The following TMEM42 variants were observed in gnomAD, a reference collection of about 807,000 sequenced individuals.
The protein encoded by TMEM42 is transmembrane protein 42.
Under a neutral mutation model 14.0 loss-of-function variants are expected in TMEM42, and 8 were observed. That is an observed-to-expected ratio of 0.57 (90% CI 0.34 to 1.03). TMEM42 has a LOEUF of 1.03. TMEM42 is among the 50% of genes least tolerant of loss of function. TMEM42 has a pLI of 0.03. For synonymous variants in TMEM42, 115 were observed against 94.3 expected (o/e 1.22, Z -1.27); for missense variants, 211 against 219.8 (o/e 0.96, Z 0.25).
chr3:44,864,625 A>G (rs1699300899), intron 2 of TMEM42, among the ~76,000 whole-genome samples: 1 of 152,100 alleles, frequency 6.6e-6, no homozygotes, highest in South Asian at 2.1e-4. Flanking sequence ...TGTGCATCCT[A>G]GCTGTTTCCT....
chr3:44,862,916 G>A (rs1184385305), intron 1 of TMEM42: 4 of 152,028 alleles, frequency 2.6e-5, no homozygotes, highest in Non-Finnish European at 4.4e-5. Flanking sequence ...CATGGGGTAA[G>A]TGGTCGAAAG....
Position 44,862,075 on chromosome 3 carries a change from GC to G in TMEM42, c.154del (p.Leu52TrpfsTer14). The stretch of plus-strand genomic sequence containing the variant: ...CTGTCTGTGCGCCGGCGCGTTCGGG[GC>G]CCTGGCCGCCGCCTCCGCCAAGCTG... Reference protein sequence around the residue: ...FNCLCAGAFGALAAASAKLAF... With the variant: ...FNCLCAGAFGXLAAASAKLAF... On this transcript the variant is annotated frameshift_variant, in exon 1 of 3. Transcript: ENST00000302392. LOFTEE classifies it high-confidence loss of function. The G allele has an allele frequency of 8.2e-7, 1 of 1,218,162 alleles. No individual in the cohort carries two copies. The highest frequency in any genetic ancestry group is 1.0e-6 in the Non-Finnish European group (1 of 967,200). The allele number at this position is 1,218,162 out of a possible 1,614,324, so 75.5% of individuals were successfully genotyped here.
rs181839106 is a variant in TMEM42, at chr3:44,865,580, T to G, written c.*400T>G. On this transcript the variant is annotated 3_prime_UTR_variant, in exon 3 of 3. Coordinates refer to ENST00000302392, the MANE Select transcript of TMEM42 (RefSeq NM_144638.3). ...GGGCTTTCTGACAGTTCCATGCTGA[T>G]GTATCAGGCCATCTGTGTCATGCTT... 6 of 203,484 alleles carry G rather than the reference T, an allele frequency of 2.9e-5. No homozygotes were observed. In the East Asian group the frequency reaches 6.0e-4, roughly 20 times the overall value. 12.6% of individuals were successfully genotyped at this position (203,484 alleles called of 1,614,324 possible). A position where few individuals can be genotyped will look rare whatever the true frequency, so the allele number is the denominator to read the frequency against.
rs1210585004 is a variant in TMEM42 at position 44,865,111 on chromosome 3, C to T, written c.411C>T (p.Leu137=). The change falls in exon 3 of 3, where the codon CTC becomes CTT. Residue 137 remains leucine (L), a synonymous_variant. Transcript: ENST00000302392. ...GGTGGGGAGGAGTGTTCCTTATTCTCTGCGGACTCACCCTAATCCACAGGA... is the reference window on the plus strand; with the variant it reads ...GGTGGGGAGGAGTGTTCCTTATTCTTTGCGGACTCACCCTAATCCACAGGA... ...VLWWGGVFLI[L]CGLTLIHRKL... 1.2e-6 allele frequency: 2 copies of T among 1,614,122 alleles called. No individual in the cohort carries two copies. The highest frequency in any genetic ancestry group is 2.7e-5 in the African/African-American group (2 of 75,028).
chr3:44,865,018 C>G (rs185715755), intron 2 of TMEM42, 22 bp from the exon 3 acceptor site: 1 of 1,613,352 alleles, frequency 6.2e-7, no homozygotes. Context: ...TTGAGTCCCT[C>G]ACAGCTATCT....
rs113767007 is a variant in TMEM42, at chr3:44,865,196, C to T, written c.*16C>T. 49 of 1,613,978 alleles carry T rather than the reference C, an allele frequency of 3.0e-5. No homozygotes were observed. The highest frequency in any genetic ancestry group is 6.7e-5 in the African/African-American group (5 of 74,926). On this transcript the variant is annotated 3_prime_UTR_variant, in exon 3 of 3. Transcript: ENST00000302392. ...GCAGCAGTAGCACCACTTGGCTAGACGGACCAGCTGGAAAGATCATGATGG... is the reference window on the plus strand; with the variant it reads ...GCAGCAGTAGCACCACTTGGCTAGATGGACCAGCTGGAAAGATCATGATGG...
intron 2 of TMEM42, 108 bp downstream of exon 2, chr3:44,864,451 C>A: frequency 7.0e-7 from 1 of 1,430,524 alleles, no homozygotes; most frequent in Non-Finnish European, 9.6e-7. Flanking sequence ...GGAACTGAAG[C>A]AGAGGTTGGG....
At chr3:44,865,000 T>C in intron 2 of TMEM42, 40 bp from the exon 3 acceptor site, 1 of 1,609,722 alleles carries the variant, frequency 6.2e-7, no homozygotes, top group Non-Finnish European at 8.5e-7. Flanking sequence ...TGTGCCCACC[T>C]GCTGAAGTTG....
rs1699258074 is a variant in TMEM42 at position 44,861,977 on chromosome 3, C to T, written c.53C>T (p.Pro18Leu). ...GGCGCCGTGTCCGCGACCGCGTACC[C>T]TGACACCCCCGCGGAATTCCCTCCG... ...PGGAVSATAY[P>L]DTPAEFPPHL... is the part of the protein sequence containing the mutation. Residue 18 changes from proline to leucine, a missense_variant, in exon 1 of 3, where the codon CCT becomes CTT. Physicochemically the swap from Pro to Leu is moderately conservative, Grantham distance 98 (BLOSUM62 -3). Transcript: ENST00000302392. The T allele has an allele frequency of 7.2e-7, 1 of 1,388,564 alleles. No homozygotes were observed. The highest frequency in any genetic ancestry group is 9.3e-7 in the Non-Finnish European group (1 of 1,071,784). The allele number at this position is 1,388,564 out of a possible 1,614,324, so 86.0% of individuals were successfully genotyped here.
chr3:44,862,042 G>A lies in TMEM42; in HGVS notation c.118G>A (p.Val40Ile). ...TGCGATGCGGCGCCGCTTTTGGGGC[G>A]TATTCAACTGTCTGTGCGCCGGCGC... ...AGAMRRRFWG[V>I]FNCLCAGAFG... Residue 40 changes from valine to isoleucine, a missense_variant, in exon 1 of 3, where the codon GTA (valine) becomes ATA (isoleucine). Physicochemically the swap from Val to Ile is conservative, Grantham distance 29. Transcript: ENST00000302392. 7.4e-7 allele frequency: 1 copy of A among 1,354,818 alleles called. No homozygotes were observed. The highest frequency in any genetic ancestry group is 9.5e-7 in the Non-Finnish European group (1 of 1,047,594). The allele number at this position is 1,354,818 out of a possible 1,614,324, so 83.9% of individuals were successfully genotyped here. A position where few individuals can be genotyped will look rare whatever the true frequency, so the allele number is the denominator to read the frequency against.
At position 44,861,969 on chromosome 3, in the gene TMEM42, C is replaced by T. The variant is rs1245219899; in HGVS notation, c.45C>T (p.Thr15=). The T allele has an allele frequency of 1.4e-6, 2 of 1,394,292 alleles. No homozygotes were observed. The highest frequency in any genetic ancestry group is 7.0e-5 in the Admixed American group (2 of 28,546). The allele number at this position is 1,394,292 out of a possible 1,614,324, so 86.4% of individuals were successfully genotyped here. A position where few individuals can be genotyped will look rare whatever the true frequency, so the allele number is the denominator to read the frequency against. ...PGPPGGAVSA[T]AYPDTPAEFP... is the part of the protein sequence containing the mutation. ...CTCCGGGCGGCGCCGTGTCCGCGACCGCGTACCCTGACACCCCCGCGGAAT... is the reference window on the plus strand; with the variant it reads ...CTCCGGGCGGCGCCGTGTCCGCGACTGCGTACCCTGACACCCCCGCGGAAT... Residue 15 remains threonine (T), a synonymous_variant, in exon 1 of 3, where the codon ACC becomes ACT. Coordinates refer to ENST00000302392, the MANE Select transcript of TMEM42 (RefSeq NM_144638.3).
rs550636631 is a variant in TMEM42 at position 44,865,217 on chromosome 3, G to C, written c.*37G>C. 2 of 1,613,172 alleles carry C rather than the reference G, an allele frequency of 1.2e-6. No homozygotes were observed. Among genetic ancestry groups the C allele is most frequent in the South Asian group, 2.2e-5 (2 of 91,060 alleles). ...TAGACGGACCAGCTGGAAAGATCAT[G>C]ATGGTGGCCCAGCCTTGGGATGTCA... is the stretch of plus-strand genomic sequence containing the variant. On this transcript the variant is annotated 3_prime_UTR_variant, in exon 3 of 3. Transcript: ENST00000302392.
intron 1 of TMEM42, 49 bp downstream of exon 1, chr3:44,862,165 G>A (rs1699263079): frequency 1.1e-5 from 2 of 174,042 alleles, no homozygotes; most frequent in Admixed American, 6.9e-5. Flanking sequence ...GGGCGGGCGG[G>A]GCGCCGCTGG....
At chr3:44,864,147 C>T in intron 1 of TMEM42, 50 bp from the exon 2 acceptor site, 4 of 1,609,402 alleles carry the variant, frequency 2.5e-6, no homozygotes, top group Non-Finnish European at 3.4e-6. Flanking sequence ...AGGGGGTCTG[C>T]AGGTTGCTGC....
At position 44,861,961 on chromosome 3, in the gene TMEM42, T is replaced by TCCGCGA; in HGVS notation, c.43_48dup (p.Thr15_Ala16dup). The TCCGCGA allele has an allele frequency of 7.1e-7, 1 of 1,400,420 alleles. No homozygotes were observed. Among genetic ancestry groups the TCCGCGA allele is most frequent in the Non-Finnish European group, 9.3e-7 (1 of 1,079,692 alleles). 86.7% of individuals were successfully genotyped at this position (1,400,420 alleles called of 1,614,324 possible). A position where few individuals can be genotyped will look rare whatever the true frequency, so the allele number is the denominator to read the frequency against. ...GCCGGGGCCTCCGGGCGGCGCCGTG[T>TCCGCGA]CCGCGACCGCGTACCCTGACACCCC... is the stretch of plus-strand genomic sequence containing the variant. On this transcript the variant is annotated inframe_insertion, in exon 1 of 3. Transcript: ENST00000302392.
In TMEM42 at chr3:44,861,956, C is replaced by T; in HGVS notation, c.32C>T (p.Ala11Val). The T allele has an allele frequency of 7.1e-7, 1 of 1,404,584 alleles. No homozygotes were observed. The allele number at this position is 1,404,584 out of a possible 1,614,324, so 87.0% of individuals were successfully genotyped here. A position where few individuals can be genotyped will look rare whatever the true frequency, so the allele number is the denominator to read the frequency against. Residue 11 changes from alanine to valine, a missense_variant, in exon 1 of 3, where the codon GCC (alanine) becomes GTC (valine). Coordinates refer to ENST00000302392, the MANE Select transcript of TMEM42 (RefSeq NM_144638.3). ...GAGAGGCCGGGGCCTCCGGGCGGCG[C>T]CGTGTCCGCGACCGCGTACCCTGAC... Reference protein sequence around the residue: MAERPGPPGGAVSATAYPDTP... With the variant: MAERPGPPGGVVSATAYPDTP...
chr3:44,862,581 A>G (rs985380286), intron 1 of TMEM42: 2 of 152,534 alleles, frequency 1.3e-5, no homozygotes, highest in Admixed American at 6.5e-5. Flanking sequence ...TGTTGTGACC[A>G]GATGACCAGT....
rs1699306469 is a variant in TMEM42 at position 44,865,079 on chromosome 3, G to T, written c.379G>T (p.Val127Phe). 2 of 1,614,020 alleles carry T rather than the reference G, an allele frequency of 1.2e-6. No individual in the cohort carries two copies. Among genetic ancestry groups the T allele is most frequent in the Admixed American group, 1.7e-5 (1 of 59,992 alleles). Residue 127 changes from valine to phenylalanine, a missense_variant, in exon 3 of 3, where the codon GTC becomes TTC. Coordinates refer to ENST00000302392, the MANE Select transcript of TMEM42 (RefSeq NM_144638.3). ...TGTGCTGTATGGAGAGTGCCAGGAG[G>T]TCTTGTGGTGGGGAGGAGTGTTCCT... is the stretch of plus-strand genomic sequence containing the variant. ...GYVLYGECQE[V>F]LWWGGVFLIL...
chr3:44,864,099 GC>G (rs1699293469), intron 1 of TMEM42, 97 bp from the exon 2 acceptor site: 1 of 1,500,642 alleles, frequency 6.7e-7, no homozygotes, highest in African/African-American at 1.4e-5. Context: ...CTCAGTAGGA[GC>G]CTGGGTGCCA....
Sources: gnomAD v4.1 joint callset for allele counts (sites outside exome capture counted in the v4.1 genomes callset) on GRCh38, gnomAD v4.1.1 for gene constraint, MANE v1.5 for transcripts, NCBI Gene and HGNC (gene_info 2026-07-23, HGNC 2026-07-21) for gene names.